The following CERS3 variants were observed in gnomAD, a reference collection of about 807,000 sequenced individuals.
CERS3 encodes the protein LAG1 homolog, ceramide synthase 3.
CERS3 carries 33 observed loss-of-function variants against 50.3 expected under a neutral mutation model. The ratio of observed to expected loss-of-function variants is 0.66; its 90% CI spans 0.50 to 0.88. The LOEUF (loss-of-function observed/expected upper bound fraction) is 0.88, where lower values mean the gene tolerates loss of function less well. Among genes scored for constraint, CERS3 ranks in the 40% least tolerant of loss-of-function variants. The pLI is 0.00. For synonymous variants in CERS3, 176 were observed against 155.2 expected, an observed-to-expected ratio of 1.13 and a Z score of -0.99; for missense variants, 470 against 460.3, an observed-to-expected ratio of 1.02 and a Z score of -0.19.
chr15:100,451,491 C>G lies in CERS3; in HGVS notation c.999+4402G>C, dbSNP rs373576190. ...GGCCAAGGTGGGAAGATCACAAGGT[C>G]AGGAGATTGAGACCATCCGGGCTAA... On this transcript the variant is annotated intron_variant, in intron 11 of 11. Coordinates refer to ENST00000679737, the MANE Select transcript of CERS3 (RefSeq NM_001378789.1). Among the ~76,000 whole-genome samples, 5 of 152,248 alleles carry G rather than the reference C, an allele frequency of 3.3e-5. No individual in the cohort carries two copies. In the East Asian group the frequency reaches 9.7e-4, roughly 29 times the overall value.
chr15:100,502,353 G>A lies in CERS3; in HGVS notation c.-1-503C>T, dbSNP rs189087478. On this transcript the variant is annotated intron_variant, in intron 2 of 11. Coordinates refer to ENST00000679737, the MANE Select transcript of CERS3 (RefSeq NM_001378789.1). Reference sequence around the variant, plus strand: ...TATGATCCTTCATTGCATTAAACAGGAATTACTCTTCCATACCCTCAGGAC... The same window carrying A: ...TATGATCCTTCATTGCATTAAACAGAAATTACTCTTCCATACCCTCAGGAC... Among the ~76,000 whole-genome samples, 38 of 150,778 alleles carry A rather than the reference G, an allele frequency of 2.5e-4. 1 individual carries two copies. Among genetic ancestry groups the A allele is most frequent in the African/African-American group, 9.3e-4 (38 of 41,052 alleles).
At chr15:100,454,321 T>C (rs1055886146) in intron 11 of CERS3, among the ~76,000 whole-genome samples, 27 of 146,432 alleles carry the variant, frequency 1.8e-4, no homozygotes, top group African/African-American at 4.0e-4. Context: ...GCCTGGGAGA[T>C]TGAGGCAGCA....
In CERS3 at chr15:100,486,189, C is replaced by A. The variant is rs368128705; in HGVS notation, c.289-1521G>T. Among the ~76,000 whole-genome samples the A allele has an allele frequency of 1.1e-4, 16 of 152,286 alleles. No individual in the cohort carries two copies. In the South Asian group the frequency reaches 2.7e-3, roughly 26 times the overall value. ...TATTGTGAGGGCCAAATAAAGCCTG[C>A]CTGTGGGCCAGATGGCTGAATACCC... On this transcript the variant is annotated intron_variant, in intron 4 of 11. Coordinates refer to ENST00000679737, the MANE Select transcript of CERS3 (RefSeq NM_001378789.1).
intron 10 of CERS3, among the ~76,000 whole-genome samples, chr15:100,457,910 A>G (rs980848519): frequency 6.6e-6 from 1 of 152,204 alleles, no homozygotes; most frequent in South Asian, 2.1e-4. Flanking sequence ...TAAATCAAAG[A>G]CATTTTATGC....
intron 11 of CERS3, among the ~76,000 whole-genome samples, chr15:100,418,079 G>A (rs1019166467): frequency 6.6e-6 from 1 of 152,016 alleles, no homozygotes; most frequent in Non-Finnish European, 1.5e-5. Flanking sequence ...AAGCTGGATG[G>A]AGAATGACTT....
chr15:100,455,830 G>A, intron 11 of CERS3, 63 bp downstream of exon 11: 2 of 1,072,452 alleles, frequency 1.9e-6, no homozygotes, highest in Non-Finnish European at 2.7e-6. Flanking sequence ...ACATTCAACA[G>A]TCCGGGCCTC....
chr15:100,469,302 T>C, intron 10 of CERS3, 76 bp downstream of exon 10: 1 of 1,057,164 alleles, frequency 9.5e-7, no homozygotes, highest in Non-Finnish European at 1.5e-6. Context: ...GAAAGGGCAA[T>C]GCCCTGAGGG....
At chr15:100,515,945 C>T (rs1300497013) in intron 2 of CERS3, among the ~76,000 whole-genome samples, 1 of 152,204 alleles carries the variant, frequency 6.6e-6, no homozygotes, top group Non-Finnish European at 1.5e-5. Context: ...AGTCACACAT[C>T]ATTTCTCACA....
intron 11 of CERS3, among the ~76,000 whole-genome samples, chr15:100,429,199 T>C (rs2032986922): frequency 1.3e-5 from 2 of 152,230 alleles, no homozygotes; most frequent in Admixed American, 6.5e-5. Flanking sequence ...ACAAGGTGTT[T>C]GTCCTCAGTG....
At chr15:100,427,268 G>A (rs2032868847) in intron 11 of CERS3, among the ~76,000 whole-genome samples, 1 of 152,180 alleles carries the variant, frequency 6.6e-6, no homozygotes, top group Non-Finnish European at 1.5e-5. Context: ...AGGAGCGAAA[G>A]TGCTATTGTT....
chr15:100,542,880 G>A (rs1249143337), intron 1 of CERS3, among the ~76,000 whole-genome samples: 2 of 151,928 alleles, frequency 1.3e-5, no homozygotes, highest in Non-Finnish European at 2.9e-5. Context: ...CTATCTGTTT[G>A]TGATAAACTC....
rs541694910 is a variant in CERS3, at chr15:100,423,642, A to G, written c.1000-20777T>C. On this transcript the variant is annotated intron_variant, in intron 11 of 11. Coordinates refer to ENST00000679737, the MANE Select transcript of CERS3 (RefSeq NM_001378789.1). Reference sequence around the variant, plus strand: ...AAAGGTGAGGATCAAAAAACTACCTATCAGGTACTATGCTCACTACCTGGG... The same window carrying G: ...AAAGGTGAGGATCAAAAAACTACCTGTCAGGTACTATGCTCACTACCTGGG... Among the ~76,000 whole-genome samples the G allele has an allele frequency of 1.5e-4, 23 of 152,252 alleles. No individual in the cohort carries two copies. In the South Asian group the frequency reaches 4.8e-3, roughly 32 times the overall value.
intron 11 of CERS3, among the ~76,000 whole-genome samples, chr15:100,444,425 C>A (rs945136540): frequency 2.0e-5 from 3 of 152,096 alleles, no homozygotes; most frequent in Non-Finnish European, 2.9e-5. Flanking sequence ...ACCTGACGTT[C>A]ACCCCATTTC....
rs138463131 is a variant in CERS3, at chr15:100,446,252, T to G, written c.999+9641A>C. On this transcript the variant is annotated intron_variant, in intron 11 of 11. Transcript: ENST00000679737. ...AAAGCTATTTAGAACTTTAATAAAC[T>G]AGAACCATTCAATGAAAGTTTTTTT... 4.0e-3 allele frequency among the ~76,000 whole-genome samples: 596 copies of G among 150,330 alleles called. 5 individuals are homozygous for G. Among genetic ancestry groups the G allele is most frequent in the East Asian group, 0.017 (87 of 5,082 alleles).
chr15:100,503,487 TAGGACC>T (rs542768343), intron 2 of CERS3, among the ~76,000 whole-genome samples: 1 of 152,300 alleles, frequency 6.6e-6, no homozygotes, highest in Non-Finnish European at 1.5e-5. Flanking sequence ...ATTTAGCTGA[TAGGACC>T]CACTGAAGGG....
chr15:100,417,421 T>G (rs12909504), intron 11 of CERS3, among the ~76,000 whole-genome samples: 1 of 151,658 alleles, frequency 6.6e-6, no homozygotes, highest in Non-Finnish European at 1.5e-5. Flanking sequence ...CACCTGGCTC[T>G]GAGGGTCCTA....
chr15:100,454,481 G>C (rs762208042), intron 11 of CERS3, among the ~76,000 whole-genome samples: 1 of 151,672 alleles, frequency 6.6e-6, no homozygotes, highest in Non-Finnish European at 1.5e-5. Flanking sequence ...TAAATGGTGT[G>C]GGGAAAATTG....
At chr15:100,468,087 CA>C (rs2142233024) in intron 10 of CERS3, among the ~76,000 whole-genome samples, 1 of 152,054 alleles carries the variant, frequency 6.6e-6, no homozygotes, top group South Asian at 2.1e-4. Flanking sequence ...AATGATTTAT[CA>C]ACCAAGGAAA....
At chr15:100,434,084 G>C (rs1430573053) in intron 11 of CERS3, among the ~76,000 whole-genome samples, 5 of 152,244 alleles carry the variant, frequency 3.3e-5, no homozygotes, top group Non-Finnish European at 7.3e-5. Flanking sequence ...CCATCTAGAT[G>C]ACTCAGCAGA....
Sources: gnomAD v4.1 joint callset for allele counts (sites outside exome capture counted in the v4.1 genomes callset) on GRCh38, gnomAD v4.1.1 for gene constraint, MANE v1.5 for transcripts, NCBI Gene and HGNC (gene_info 2026-07-23, HGNC 2026-07-21) for gene names.